The following SRPX variants were observed in gnomAD, a reference collection of about 807,000 sequenced individuals.
SRPX encodes the protein sushi repeat containing protein X-linked, also known as sushi repeat-containing protein SRPX.
A neutral mutation model predicts 38.1 loss-of-function variants in SRPX; 24 were observed. That is an observed-to-expected ratio of 0.63 (90% CI 0.46 to 0.89). The LOEUF is 0.89. SRPX is among the 40% of genes least tolerant of loss of function. The pLI is 0.00. For missense variants in SRPX, 416 were observed against 377.8 expected (o/e 1.10, Z -0.84); for synonymous variants, 184 against 153.8 (o/e 1.20, Z -1.45).
At chrX:38,170,659 C>G (rs1310007841) in intron 4 of SRPX, among the ~76,000 whole-genome samples, 1 of 111,990 alleles carries the variant, frequency 8.9e-6, no homozygotes, top group Non-Finnish European at 1.9e-5. Flanking sequence ...GGTTCATTCT[C>G]TCTTCCTCTG....
intron 1 of SRPX, among the ~76,000 whole-genome samples, chrX:38,196,712 G>T (rs1939005074): frequency 8.9e-6 from 1 of 112,325 alleles, no homozygotes; most frequent in African/African-American, 3.2e-5. Context: ...CAGTGAGAAA[G>T]CAGGGGAAAT....
intron 1 of SRPX, among the ~76,000 whole-genome samples, chrX:38,188,259 T>C (rs766989216): frequency 8.9e-6 from 1 of 112,242 alleles, no homozygotes; most frequent in South Asian, 3.7e-4. Flanking sequence ...TTATTACCAG[T>C]GCTTTTCTTG....
intron 1 of SRPX, among the ~76,000 whole-genome samples, chrX:38,215,303 G>A (rs1441314965): frequency 1.8e-5 from 2 of 111,636 alleles, no homozygotes; most frequent in Non-Finnish European, 3.8e-5. Context: ...CATTCAGCTC[G>A]GGAATGAGTA....
At chrX:38,210,989 G>A (rs769077031) in intron 1 of SRPX, among the ~76,000 whole-genome samples, 5 of 111,555 alleles carry the variant, frequency 4.5e-5, no homozygotes, top group South Asian at 3.8e-4. Context: ...TTAGGGGTTC[G>A]GCAAACATTT....
intron 8 of SRPX, among the ~76,000 whole-genome samples, chrX:38,156,050 G>C (rs866480077): frequency 6.2e-5 from 7 of 112,126 alleles, no homozygotes; most frequent in Non-Finnish European, 1.3e-4. Context: ...AATCAATACT[G>C]TTCTAAGCAC....
At chrX:38,180,628 G>T (rs1163384213) in intron 1 of SRPX, among the ~76,000 whole-genome samples, 1 of 111,909 alleles carries the variant, frequency 8.9e-6, no homozygotes, top group East Asian at 2.8e-4. Context: ...ATCCCCCAGT[G>T]TTTCCCATTT....
At chrX:38,176,246 A>G (rs1256859775) in intron 2 of SRPX, among the ~76,000 whole-genome samples, 9 of 111,353 alleles carry the variant, frequency 8.1e-5, no homozygotes, top group Non-Finnish European at 1.5e-4. Flanking sequence ...TAATGTATGT[A>G]TATATATGAC....
chrX:38,219,161 G>A (rs998032409), intron 1 of SRPX, among the ~76,000 whole-genome samples: 24 of 110,915 alleles, frequency 2.2e-4, no homozygotes, highest in African/African-American at 7.2e-4. Flanking sequence ...TATAAAGGTG[G>A]AAGATGAGAG....
At chrX:38,196,318 T>C (rs185092311) in intron 1 of SRPX, among the ~76,000 whole-genome samples, 7 of 112,663 alleles carry the variant, frequency 6.2e-5, no homozygotes, top group Non-Finnish European at 1.3e-4. Flanking sequence ...ACTTTTCACT[T>C]TTTTGAATAC....
chrX:38,182,046 A>G (rs754384033), intron 1 of SRPX, among the ~76,000 whole-genome samples: 1 of 112,470 alleles, frequency 8.9e-6, no homozygotes, highest in Non-Finnish European at 1.9e-5. Context: ...AAAGGAAATA[A>G]CACACACTAA....
intron 1 of SRPX, among the ~76,000 whole-genome samples, chrX:38,204,418 T>A (rs1162613164): frequency 8.9e-6 from 1 of 112,141 alleles, no homozygotes; most frequent in East Asian, 2.8e-4. Context: ...CAGAAACAGA[T>A]CTGTACAAAA....
intron 3 of SRPX, among the ~76,000 whole-genome samples, chrX:38,173,026 G>A (rs922980425): frequency 5.3e-5 from 6 of 112,358 alleles, no homozygotes; most frequent in African/African-American, 1.6e-4. Flanking sequence ...AAAAGGCATC[G>A]AGGAGATCTG....
At chrX:38,154,022 G>T (rs1312479299) in intron 9 of SRPX, 3 of 114,033 alleles carry the variant, frequency 2.6e-5, no homozygotes, top group African/African-American at 9.7e-5. Context: ...AACTTTGTAA[G>T]GGTTATGAAA....
At chrX:38,198,225 A>G (rs1288874337) in intron 1 of SRPX, among the ~76,000 whole-genome samples, 1 of 112,024 alleles carries the variant, frequency 8.9e-6, no homozygotes, top group Admixed American at 9.4e-5. Flanking sequence ...AATGCTCACA[A>G]AAGATCATTT....
chrX:38,199,594 C>G (rs1178570375), intron 1 of SRPX, among the ~76,000 whole-genome samples: 1 of 110,001 alleles, frequency 9.1e-6, no homozygotes, highest in Admixed American at 9.7e-5. Context: ...CTCTCAGGAG[C>G]CTTAGTTTCT....
intron 1 of SRPX, among the ~76,000 whole-genome samples, chrX:38,196,287 T>C (rs1569212719): frequency 8.9e-6 from 1 of 112,533 alleles, no homozygotes. Context: ...GATTTATGAA[T>C]TGTATTCACA....
At chrX:38,153,302 C>CTTTTTTT (rs58888978) in intron 9 of SRPX, among the ~76,000 whole-genome samples, 40 of 54,717 alleles carry the variant, frequency 7.3e-4, no homozygotes, top group African/African-American at 1.1e-3. Context: ...TTCTTTCTTT[C>CTTTTTTT]TTTTTTTTTT....
chrX:38,176,745 A>T (rs1012518671), intron 2 of SRPX, among the ~76,000 whole-genome samples: 1 of 111,994 alleles, frequency 8.9e-6, no homozygotes, highest in Non-Finnish European at 1.9e-5. Context: ...GTGAGCCAAG[A>T]TCACGCCACT....
intron 1 of SRPX, among the ~76,000 whole-genome samples, chrX:38,194,862 G>GTTTTTTTTTTTTTTT (rs1938965542): frequency 1.3e-5 from 1 of 78,364 alleles, no homozygotes; most frequent in African/African-American, 5.5e-5. Context: ...GTTTGTTTTT[G>GTTTTTTTTTTTTTTT]GTTTTTTTTT....
Sources: allele counts gnomAD v4.1 joint callset (sites outside exome capture counted in the v4.1 genomes callset), GRCh38; gene constraint gnomAD v4.1.1; transcripts MANE v1.5; gene names NCBI Gene and HGNC (gene_info 2026-07-23, HGNC 2026-07-21).